Variants in SEPTIN9 observed in about 807,000 individuals in gnomAD.
SEPTIN9 encodes the protein septin 9.
SEPTIN9 carries 13 observed loss-of-function variants against 56.6 expected under a neutral mutation model. The observed-to-expected ratio is 0.23, with a 90% CI of 0.15 to 0.37. SEPTIN9 has a LOEUF of 0.37. Among genes scored for constraint, SEPTIN9 ranks in the 10% least tolerant of loss-of-function variants. The pLI is 1.00. For missense variants in SEPTIN9, 650 were observed against 823.1 expected (o/e 0.79, Z 2.57); for synonymous variants, 332 against 334.1 (o/e 0.99, Z 0.07).
chr17:77,482,601 G>A (rs1320735590), intron 4 of SEPTIN9: 9 of 662,342 alleles, frequency 1.4e-5, no homozygotes, highest in Non-Finnish European at 2.2e-5. Flanking sequence ...CCTGGAGCAG[G>A]TCCTGATGAG....
rs534067056 is a variant in SEPTIN9, at chr17:77,307,085, C to T, written c.20-56C>T. ...ACATTCCTGGTGTTAATCATCCACC[C>T]GGAGGGAGAGCGCCAGTGGCCTTGT... On this transcript the variant is annotated intron_variant, in intron 1 of 11. Coordinates refer to ENST00000427177, the MANE Select transcript of SEPTIN9 (RefSeq NM_001113491.2). 55 of 1,508,212 alleles carry T rather than the reference C, an allele frequency of 3.6e-5. No individual in the cohort carries two copies. In the South Asian group the frequency reaches 3.8e-4, roughly 10 times the overall value. 93.4% of individuals were successfully genotyped at this position (1,508,212 alleles called of 1,614,324 possible).
chr17:77,441,311 C>G (rs1468129982), intron 3 of SEPTIN9, among the ~76,000 whole-genome samples: 1 of 152,236 alleles, frequency 6.6e-6, no homozygotes, highest in East Asian at 1.9e-4. Context: ...TGCCAGATAG[C>G]CTGAGCAGCC....
chr17:77,288,135 C>G, intron 1 of SEPTIN9: 14 of 1,063,118 alleles, frequency 1.3e-5, no homozygotes, highest in Non-Finnish European at 1.5e-5. Flanking sequence ...CCACCCCGGC[C>G]TGGGGTTTCA....
Position 77,402,373 on chromosome 17 carries a change from G to T in SEPTIN9, c.391G>T (p.Gly131Trp). Reference protein sequence around the residue: ...NAGAIGPSRFGLKRAEVLGHK... With the variant: ...NAGAIGPSRFWLKRAEVLGHK... ...CGGGGCCATCGGCCCGTCCCGGTTC[G>T]GGCTCAAGAGGGCCGAGGTGTTGGG... Residue 131 changes from glycine (G) to tryptophan (W), a missense_variant, in exon 3 of 12, where the codon GGG becomes TGG. Gly to Trp is a radical substitution (Grantham distance 184, BLOSUM62 -2). Transcript: ENST00000427177. This position sits in a 1 kb window ranked among gnomAD's most constrained non-coding sequence, Gnocchi z 6.6. 1 of 1,611,884 alleles carries T rather than the reference G, an allele frequency of 6.2e-7. No homozygotes were observed. Among genetic ancestry groups the T allele is most frequent in the Non-Finnish European group, 8.5e-7 (1 of 1,179,530 alleles).
rs779839130 is a variant in SEPTIN9, at chr17:77,369,233, A to AAAAAG, written c.77-32812_77-32808dup. On this transcript the variant is annotated intron_variant, in intron 2 of 11. Transcript: ENST00000427177. The surrounding 1 kb of genome is among the most constrained non-coding windows in gnomAD (Gnocchi z 4.9). The stretch of plus-strand genomic sequence containing the variant: ...CGGGTGACAGAGTGAGACCCTGTCA[A>AAAAAG]AAAAGAAAAGAAAAGAAAGAAATTG... Among the ~76,000 whole-genome samples the AAAAAG allele has an allele frequency of 6.6e-6, 1 of 152,252 alleles. No homozygotes were observed. The highest frequency in any genetic ancestry group is 1.5e-5 in the Non-Finnish European group (1 of 68,014).
chr17:77,298,265 G>C (rs2031901082), intron 1 of SEPTIN9, among the ~76,000 whole-genome samples: 1 of 152,248 alleles, frequency 6.6e-6, no homozygotes, highest in African/African-American at 2.4e-5. Flanking sequence ...ACAGCAATGT[G>C]AGGGAGTCAG....
chr17:77,317,547 T>C lies in SEPTIN9; in HGVS notation c.76+10350T>C, dbSNP rs1220480597. 6.6e-6 allele frequency among the ~76,000 whole-genome samples: 1 copy of C among 152,170 alleles called. No individual in the cohort carries two copies. The highest frequency in any genetic ancestry group is 1.5e-5 in the Non-Finnish European group (1 of 68,020). ...TGAGAATCTGATGCCTGATGATCTGTCACCGTCTCCCATCACCACCAGATG... is the reference window on the plus strand; with the variant it reads ...TGAGAATCTGATGCCTGATGATCTGCCACCGTCTCCCATCACCACCAGATG... On this transcript the variant is annotated intron_variant, in intron 2 of 11. Coordinates refer to ENST00000427177, the MANE Select transcript of SEPTIN9 (RefSeq NM_001113491.2). The surrounding 1 kb of genome is among the most constrained non-coding windows in gnomAD (Gnocchi z 4.2).
chr17:77,306,531 C>T (rs981086367), intron 1 of SEPTIN9, among the ~76,000 whole-genome samples: 6 of 152,246 alleles, frequency 3.9e-5, no homozygotes, highest in African/African-American at 9.6e-5. Context: ...GCGCATGCCG[C>T]GGGAGGCTGC....
chr17:77,479,833 A>C (rs982559312), intron 3 of SEPTIN9, among the ~76,000 whole-genome samples: 1 of 152,020 alleles, frequency 6.6e-6, no homozygotes, highest in Non-Finnish European at 1.5e-5. Flanking sequence ...TGGCTCTCAG[A>C]CCCACAGGCA....
chr17:77,307,906 G>C (rs948687764), intron 2 of SEPTIN9, among the ~76,000 whole-genome samples: 3 of 152,212 alleles, frequency 2.0e-5, no homozygotes, highest in Non-Finnish European at 4.4e-5. Flanking sequence ...CCAGGGCTGA[G>C]TCTGCGCGTC....
Position 77,492,488 on chromosome 17 carries a change from T to G in SEPTIN9, c.1381-133T>G. On this transcript the variant is annotated intron_variant, in intron 8 of 11. Transcript: ENST00000427177. The surrounding 1 kb of genome is among the most constrained non-coding windows in gnomAD (Gnocchi z 5.4). Reference sequence around the variant, plus strand: ...GCACAGGAGTTGGAGGTGATTGGTGTCACAGCCCCCCAGAGCCTGCCCTTG... The same window carrying G: ...GCACAGGAGTTGGAGGTGATTGGTGGCACAGCCCCCCAGAGCCTGCCCTTG... 1 of 795,062 alleles carries G rather than the reference T, an allele frequency of 1.3e-6. No homozygotes were observed. The allele number at this position is 795,062 out of a possible 1,614,324, so 49.3% of individuals were successfully genotyped here. A position where few individuals can be genotyped will look rare whatever the true frequency, so the allele number is the denominator to read the frequency against.
intron 11 of SEPTIN9, chr17:77,497,649 G>T (rs1449137429): frequency 2.1e-5 from 11 of 534,702 alleles, no homozygotes; most frequent in Non-Finnish European, 3.4e-5. Flanking sequence ...GAGCTGCCCG[G>T]TGGCCACTAA....
In SEPTIN9 at chr17:77,450,283, G is replaced by T. The variant is rs1022131183; in HGVS notation, c.722-31861G>T. Among the ~76,000 whole-genome samples the T allele has an allele frequency of 6.6e-6, 1 of 152,162 alleles. No individual in the cohort carries two copies. The highest frequency in any genetic ancestry group is 1.9e-4 in the East Asian group (1 of 5,192). ...CGGGGCTTCAGTCACCCCCAGCCAC[G>T]TGTGGGGGTGCGGGATGGGAAAGGT... On this transcript the variant is annotated intron_variant, in intron 3 of 11. Transcript: ENST00000427177. This position sits in a 1 kb window ranked among gnomAD's most constrained non-coding sequence, Gnocchi z 6.0.
rs563349580 is a variant in SEPTIN9 at position 77,326,193 on chromosome 17, T to G, written c.76+18996T>G. Among the ~76,000 whole-genome samples the G allele has an allele frequency of 5.9e-5, 9 of 151,850 alleles. No individual in the cohort carries two copies. The East Asian group carries it at 7.8e-4, about 13-fold the overall frequency. ...ACCTTTGACCCCCAACATGACAAAA[T>G]AAACCTCCCTTGCCGGTCACTCATT... On this transcript the variant is annotated intron_variant, in intron 2 of 11. Coordinates refer to ENST00000427177, the MANE Select transcript of SEPTIN9 (RefSeq NM_001113491.2). This position sits in a 1 kb window ranked among gnomAD's most constrained non-coding sequence, Gnocchi z 5.1.
At chr17:77,309,287 T>C (rs1029102435) in intron 2 of SEPTIN9, among the ~76,000 whole-genome samples, 1 of 152,270 alleles carries the variant, frequency 6.6e-6, no homozygotes, top group African/African-American at 2.4e-5. Flanking sequence ...CTTGGAAGCC[T>C]AAGGCATAAT....
chr17:77,344,950 C>G (rs1206653887), intron 2 of SEPTIN9, among the ~76,000 whole-genome samples: 1 of 115,030 alleles, frequency 8.7e-6, no homozygotes, highest in Non-Finnish European at 1.6e-5. Context: ...CCAGCTTGGG[C>G]GACAGAGCAA....
chr17:77,496,939 A>T (rs2040291767), intron 10 of SEPTIN9: 1 of 299,846 alleles, frequency 3.3e-6, no homozygotes, highest in African/African-American at 2.1e-5. Context: ...CCCTGCTGGG[A>T]CGTCCTGCTC....
intron 2 of SEPTIN9, among the ~76,000 whole-genome samples, chr17:77,385,963 G>A (rs1216108144): frequency 6.6e-6 from 1 of 152,206 alleles, no homozygotes; most frequent in Non-Finnish European, 1.5e-5. Flanking sequence ...CCCTCGTGGG[G>A]TCATTCCATG....
rs535647810 is a variant in SEPTIN9, at chr17:77,445,054, A to T, written c.722-37090A>T. ...CAGCCCAGCAGCTGCGCTGCCTCAC[A>T]GAAAATGTGCAGAGGCCCCTCTGTC... On this transcript the variant is annotated intron_variant, in intron 3 of 11. Transcript: ENST00000427177. The surrounding 1 kb of genome is among the most constrained non-coding windows in gnomAD (Gnocchi z 4.7). 7.7e-6 allele frequency: 3 copies of T among 390,368 alleles called. No individual in the cohort carries two copies. Among genetic ancestry groups the T allele is most frequent in the South Asian group, 5.7e-5 (3 of 52,842 alleles). 24.2% of individuals were successfully genotyped at this position (390,368 alleles called of 1,614,324 possible). A position where few individuals can be genotyped will look rare whatever the true frequency, so the allele number is the denominator to read the frequency against.
Sources: gnomAD v4.1 joint callset for allele counts (sites outside exome capture counted in the v4.1 genomes callset) on GRCh38, gnomAD v4.1.1 for gene constraint, Gnocchi (gnomAD v3.1) non-coding constraint, MANE v1.5 for transcripts, NCBI Gene and HGNC (gene_info 2026-07-23, HGNC 2026-07-21) for gene names.